The following ZFAT variants were observed in gnomAD, a reference collection of about 807,000 sequenced individuals.
ZFAT encodes the protein zinc finger protein ZFAT.
In ZFAT, 64 loss-of-function variants were observed where a neutral mutation model predicts 117.7. The ratio of observed to expected loss-of-function variants is 0.54; its 90% CI spans 0.44 to 0.67. The LOEUF (loss-of-function observed/expected upper bound fraction) is 0.67, where lower values mean the gene tolerates loss of function less well. ZFAT is among the 30% of genes least tolerant of loss of function. The probability of loss-of-function intolerance (pLI) is 0.00; values close to 1 mark genes in which losing one functional copy is unlikely to be tolerated. For missense variants in ZFAT, 1,433 were observed against 1,584.5 expected, an observed-to-expected ratio of 0.90 and a Z score of 1.62; for synonymous variants, 679 against 615.0, an observed-to-expected ratio of 1.10 and a Z score of -1.54.
chr8:134,563,671 C>T (rs938155706), intron 11 of ZFAT, among the ~76,000 whole-genome samples: 1 of 152,194 alleles, frequency 6.6e-6, no homozygotes, highest in African/African-American at 2.4e-5. Context: ...TTAGAATCTT[C>T]GTATTTCAAA....
At chr8:134,619,027 T>C (rs1342198466) in intron 3 of ZFAT, among the ~76,000 whole-genome samples, 2 of 152,188 alleles carry the variant, frequency 1.3e-5, no homozygotes, top group East Asian at 3.9e-4. Flanking sequence ...CTTTGGGAAG[T>C]AGGAAAAGTT....
the ZFAT span, among the ~76,000 whole-genome samples, chr8:134,730,188 C>T: frequency 5.7e-4 from 87 of 152,316 alleles, no homozygotes; most frequent in African/African-American, 1.9e-3. Context: ...GAAGCCTGCA[C>T]TCTCCTCATC....
chr8:134,514,069 C>A (rs188351434), intron 13 of ZFAT, among the ~76,000 whole-genome samples: 1 of 152,318 alleles, frequency 6.6e-6, no homozygotes. Context: ...GTCAGGAAGG[C>A]TGGTACTCGT....
the ZFAT span, among the ~76,000 whole-genome samples, chr8:134,821,541 A>C: frequency 6.7e-6 from 1 of 150,038 alleles, no homozygotes; most frequent in Non-Finnish European, 1.5e-5. Context: ...TGTCACATGC[A>C]TGCGGTTTAA....
intron 13 of ZFAT, 32 bp downstream of exon 13, chr8:134,520,851 G>A: frequency 6.4e-7 from 1 of 1,560,160 alleles, no homozygotes; most frequent in Non-Finnish European, 8.8e-7. Context: ...GTTTTGAAAT[G>A]TCAAGATTAA....
At chr8:134,592,014 T>C (rs1586769436) in intron 7 of ZFAT, among the ~76,000 whole-genome samples, 1 of 148,986 alleles carries the variant, frequency 6.7e-6, no homozygotes, top group Non-Finnish European at 1.5e-5. Flanking sequence ...TCTGCGCAGA[T>C]AGGTGAATAA....
At chr8:134,575,781 C>T (rs901509107) in intron 10 of ZFAT, among the ~76,000 whole-genome samples, 2 of 152,170 alleles carry the variant, frequency 1.3e-5, no homozygotes, top group African/African-American at 4.8e-5. Flanking sequence ...GAAAAGCGTC[C>T]TGCAGGAAGC....
At chr8:134,615,075 C>T (rs1055835473) in intron 3 of ZFAT, among the ~76,000 whole-genome samples, 2 of 152,184 alleles carry the variant, frequency 1.3e-5, no homozygotes, top group African/African-American at 2.4e-5. Flanking sequence ...CTGGACCACA[C>T]CAGCCTCAAA....
At chr8:134,690,042 A>T (rs1833517889) in intron 1 of ZFAT, among the ~76,000 whole-genome samples, 1 of 152,268 alleles carries the variant, frequency 6.6e-6, no homozygotes, top group East Asian at 1.9e-4. Context: ...AGAAATTTTA[A>T]ATTTTGTGTA....
chr8:134,641,853 T>G (rs1354918308), intron 2 of ZFAT, among the ~76,000 whole-genome samples: 1 of 152,184 alleles, frequency 6.6e-6, no homozygotes, highest in African/African-American at 2.4e-5. Flanking sequence ...TTCCTCTTAG[T>G]CAGAAAATCA....
chr8:134,478,417 C>T lies in ZFAT; in HGVS notation c.*65G>A, dbSNP rs1817028803. 6.6e-7 allele frequency: 1 copy of T among 1,518,730 alleles called. No homozygotes were observed. The highest frequency in any genetic ancestry group is 1.4e-5 in the African/African-American group (1 of 72,634). The allele number at this position is 1,518,730 out of a possible 1,614,324, so 94.1% of individuals were successfully genotyped here. A position where few individuals can be genotyped will look rare whatever the true frequency, so the allele number is the denominator to read the frequency against. ...GCGGGTAGGGCAGGAAGGGTGGCCTCCCCACCCTGGGTGCCTGCAGAGCCT... is the reference window on the plus strand; with the variant it reads ...GCGGGTAGGGCAGGAAGGGTGGCCTTCCCACCCTGGGTGCCTGCAGAGCCT... On this transcript the variant is annotated 3_prime_UTR_variant, in exon 16 of 16. Transcript: ENST00000377838. This position sits in a 1 kb window ranked among gnomAD's most constrained non-coding sequence, Gnocchi z 5.2.
chr8:134,541,528 T>C (rs570237466), intron 11 of ZFAT, among the ~76,000 whole-genome samples: 36 of 152,192 alleles, frequency 2.4e-4, no homozygotes, highest in African/African-American at 8.4e-4. Context: ...GTTTCAAGTA[T>C]TACGTTATAA....
the ZFAT span, among the ~76,000 whole-genome samples, chr8:134,719,408 C>A: frequency 2.0e-5 from 3 of 152,254 alleles, no homozygotes; most frequent in African/African-American, 7.2e-5. Flanking sequence ...GGGGGCGAAT[C>A]AAGTGGTTTC....
chr8:134,512,327 G>T, intron 14 of ZFAT, 148 bp downstream of exon 14: 1 of 1,182,168 alleles, frequency 8.5e-7, no homozygotes, highest in Non-Finnish European at 1.2e-6. Context: ...CTGGGGGCTG[G>T]CAATGGGGCT....
At chr8:134,610,133 G>A (rs565337444) in intron 4 of ZFAT, among the ~76,000 whole-genome samples, 97 of 152,354 alleles carry the variant, frequency 6.4e-4, no homozygotes, top group South Asian at 2.7e-3. Flanking sequence ...CTGAGAGCAG[G>A]AGGGGAAGGC....
chr8:134,636,041 C>A (rs1830191678), intron 3 of ZFAT, among the ~76,000 whole-genome samples: 1 of 152,172 alleles, frequency 6.6e-6, no homozygotes, highest in African/African-American at 2.4e-5. Context: ...GGAACAGTGT[C>A]TGGTATTTTC....
chr8:134,804,611 CA>C, the ZFAT span, among the ~76,000 whole-genome samples: 1 of 152,170 alleles, frequency 6.6e-6, no homozygotes, highest in East Asian at 1.9e-4. Flanking sequence ...ATTTCATTGA[CA>C]GGGCAGAAAC....
At chr8:134,599,714 T>G (rs1827258201) in intron 7 of ZFAT, 1 of 447,190 alleles carries the variant, frequency 2.2e-6, no homozygotes, top group Non-Finnish European at 4.4e-6. Context: ...GGCATTCAAT[T>G]AAAACAGAAC....
chr8:134,695,558 A>C, intron 1 of ZFAT, among the ~76,000 whole-genome samples: 1 of 142,662 alleles, frequency 7.0e-6, no homozygotes, highest in East Asian at 2.2e-4. Flanking sequence ...AGGAAGCACC[A>C]CCACCCCCAG....
Sources: allele counts gnomAD v4.1 joint callset (sites outside exome capture counted in the v4.1 genomes callset), GRCh38; gene constraint gnomAD v4.1.1; non-coding constraint Gnocchi (gnomAD v3.1); transcripts MANE v1.5; gene names NCBI Gene and HGNC (gene_info 2026-07-23, HGNC 2026-07-21).